Variants in C3orf20 observed in about 807,000 individuals in gnomAD.
C3orf20 encodes the protein family with sequence similarity 149 member C, also known as uncharacterized protein C3orf20.
Under a neutral mutation model 88.3 loss-of-function variants are expected in C3orf20, and 76 were observed. The ratio of observed to expected loss-of-function variants is 0.86; its 90% CI spans 0.72 to 1.04. The LOEUF (loss-of-function observed/expected upper bound fraction) is 1.04. C3orf20 is among the 50% of genes least tolerant of loss of function. The pLI is 0.00. For synonymous variants in C3orf20, 436 were observed against 437.4 expected, an observed-to-expected ratio of 1.00 and a Z score of 0.04; for missense variants, 1,056 against 1,123.3, an observed-to-expected ratio of 0.94 and a Z score of 0.86.
At position 14,772,355 on chromosome 3, in the gene C3orf20, C is replaced by T. The variant is rs749635656; in HGVS notation, c.2630+154C>T. On this transcript the variant is annotated intron_variant, in intron 16 of 16. Coordinates refer to ENST00000253697, the MANE Select transcript of C3orf20 (RefSeq NM_032137.5). This position sits in a 1 kb window ranked among gnomAD's most constrained non-coding sequence, Gnocchi z 4.2. ...CCCATGTAATCAACACAATATTGGG[C>T]GGGCATGCAGGCTGCCCTGGAGCTG... 37 of 978,134 alleles carry T rather than the reference C, an allele frequency of 3.8e-5. No individual in the cohort carries two copies. Among genetic ancestry groups the T allele is most frequent in the Admixed American group, 7.3e-5 (3 of 41,318 alleles). 60.6% of individuals were successfully genotyped at this position (978,134 alleles called of 1,614,324 possible).
chr3:14,762,403 C>G (rs2035588443), intron 15 of C3orf20, among the ~76,000 whole-genome samples: 1 of 152,178 alleles, frequency 6.6e-6, no homozygotes, highest in Non-Finnish European at 1.5e-5. Flanking sequence ...ACATCCTAGT[C>G]CAGGAAGGAG....
At chr3:14,711,538 A>G (rs780538785) in intron 7 of C3orf20, among the ~76,000 whole-genome samples, 1 of 151,698 alleles carries the variant, frequency 6.6e-6, no homozygotes, top group Non-Finnish European at 1.5e-5. Flanking sequence ...TTTCACTTTC[A>G]ACCAAGTTGT....
intron 13 of C3orf20, among the ~76,000 whole-genome samples, chr3:14,759,309 C>A (rs1356435145): frequency 6.6e-6 from 1 of 152,164 alleles, no homozygotes; most frequent in African/African-American, 2.4e-5. Flanking sequence ...GGGAAGACAG[C>A]ACATTGGCTG....
At chr3:14,699,515 C>T (rs1575104365) in intron 5 of C3orf20, among the ~76,000 whole-genome samples, 1 of 152,210 alleles carries the variant, frequency 6.6e-6, no homozygotes. Flanking sequence ...CAGTGGGTTC[C>T]CTTCTGGCCC....
intron 9 of C3orf20, among the ~76,000 whole-genome samples, chr3:14,716,081 A>G (rs2033930345): frequency 6.6e-6 from 1 of 152,218 alleles, no homozygotes; most frequent in Admixed American, 6.5e-5. Flanking sequence ...CTTTGGTATA[A>G]CTGTGCATTG....
At chr3:14,723,624 A>G (rs1460331829) in intron 10 of C3orf20, among the ~76,000 whole-genome samples, 1 of 152,178 alleles carries the variant, frequency 6.6e-6, no homozygotes, top group Non-Finnish European at 1.5e-5. Context: ...CCGGAGAAAC[A>G]CAGGTGCCTG....
chr3:14,714,352 C>A (rs1435605911), intron 8 of C3orf20, among the ~76,000 whole-genome samples, 193 bp downstream of exon 8: 2 of 152,126 alleles, frequency 1.3e-5, no homozygotes, highest in Non-Finnish European at 2.9e-5. Flanking sequence ...CCCTTCCTTG[C>A]TGTATCTATG....
chr3:14,723,973 C>T lies in C3orf20; in HGVS notation c.1566+2189C>T, dbSNP rs535877209. 2.0e-4 allele frequency among the ~76,000 whole-genome samples: 30 copies of T among 152,210 alleles called. No homozygotes were observed. In the South Asian group the frequency reaches 3.3e-3, roughly 17 times the overall value. Reference sequence around the variant, plus strand: ...TCTCGAGGATTACAGGTGCCTACCACCACACCAGCTCATTTTTGTATTTTT... The same window carrying T: ...TCTCGAGGATTACAGGTGCCTACCATCACACCAGCTCATTTTTGTATTTTT... On this transcript the variant is annotated intron_variant, in intron 10 of 16. Transcript: ENST00000253697.
At chr3:14,705,033 G>A (rs1198490973) in intron 7 of C3orf20, among the ~76,000 whole-genome samples, 1 of 152,200 alleles carries the variant, frequency 6.6e-6, no homozygotes, top group African/African-American at 2.4e-5. Flanking sequence ...CAGTGGTTAA[G>A]CTCTGTGGTC....
Position 14,717,556 on chromosome 3 carries a change from G to A in C3orf20, c.1434+2147G>A, listed in dbSNP as rs542248856. ...AGGTGGAGCAAGAGGTATGTATGGT[G>A]TCAGGTGGAGGTGGGAGGCACTGGA... On this transcript the variant is annotated intron_variant, in intron 9 of 16. Coordinates refer to ENST00000253697, the MANE Select transcript of C3orf20 (RefSeq NM_032137.5). 3.3e-5 allele frequency among the ~76,000 whole-genome samples: 5 copies of A among 152,320 alleles called. No homozygotes were observed. In the South Asian group the frequency reaches 1.0e-3, roughly 32 times the overall value.
intron 11 of C3orf20, 86 bp downstream of exon 11, chr3:14,727,110 T>C: frequency 7.0e-7 from 1 of 1,425,490 alleles, no homozygotes; most frequent in Non-Finnish European, 9.8e-7. Context: ...GGGACAGACC[T>C]TTACTTTACC....
chr3:14,722,464 A>G, intron 10 of C3orf20: 1 of 456,692 alleles, frequency 2.2e-6, no homozygotes, highest in Admixed American at 2.3e-5. Flanking sequence ...GAGTTTCCCT[A>G]AAGGAAAATC....
chr3:14,688,529 C>CA (rs35979290), intron 4 of C3orf20, among the ~76,000 whole-genome samples: 60,484 of 105,628 alleles, frequency 0.57, 16,808 homozygotes, highest in East Asian at 0.68. Flanking sequence ...GAGACTGTCT[C>CA]AAAAAAAAAA....
chr3:14,763,018 A>G (rs980747185), intron 15 of C3orf20, among the ~76,000 whole-genome samples: 1 of 152,124 alleles, frequency 6.6e-6, no homozygotes, highest in African/African-American at 2.4e-5. Context: ...CTGAGACCCC[A>G]CTGCCTGAGA....
Position 14,701,804 on chromosome 3 carries a change from T to C in C3orf20, c.746-1326T>C, listed in dbSNP as rs2033274574. The stretch of plus-strand genomic sequence containing the variant: ...CCGTCCAGCCCTGGAAATGCTCTCT[T>C]TTCCTGGAACCCGGGGAGACATGGC... On this transcript the variant is annotated intron_variant, in intron 5 of 16. Transcript: ENST00000253697. This position sits in a 1 kb window ranked among gnomAD's most constrained non-coding sequence, Gnocchi z 4.6. Among the ~76,000 whole-genome samples the C allele has an allele frequency of 6.6e-6, 1 of 152,168 alleles. No homozygotes were observed. The highest frequency in any genetic ancestry group is 6.5e-5 in the Admixed American group (1 of 15,276).
At chr3:14,688,092 G>A (rs991214954) in intron 4 of C3orf20, among the ~76,000 whole-genome samples, 1 of 152,226 alleles carries the variant, frequency 6.6e-6, no homozygotes, top group South Asian at 2.1e-4. Flanking sequence ...ATCCTAAAAG[G>A]ACTTTACTTA....
intron 14 of C3orf20, among the ~76,000 whole-genome samples, chr3:14,760,851 G>A (rs535364104): frequency 2.6e-5 from 4 of 151,938 alleles, no homozygotes; most frequent in South Asian, 2.1e-4. Context: ...CTTGTGATCC[G>A]CCCACCTTGA....
At chr3:14,766,192 T>C (rs1017355667) in intron 15 of C3orf20, among the ~76,000 whole-genome samples, 1 of 152,204 alleles carries the variant, frequency 6.6e-6, no homozygotes, top group Non-Finnish European at 1.5e-5. Flanking sequence ...CCTTTTCTCC[T>C]TTCTTGTGTG....
intron 1 of C3orf20, among the ~76,000 whole-genome samples, chr3:14,680,569 A>G (rs1559390795): frequency 1.3e-5 from 2 of 152,210 alleles, no homozygotes; most frequent in African/African-American, 4.8e-5. Flanking sequence ...ATTTGATAGT[A>G]ATGGTTATAC....
Sources: allele counts gnomAD v4.1 joint callset (sites outside exome capture counted in the v4.1 genomes callset), GRCh38; gene constraint gnomAD v4.1.1; non-coding constraint Gnocchi (gnomAD v3.1); transcripts MANE v1.5; gene names NCBI Gene and HGNC (gene_info 2026-07-23, HGNC 2026-07-21).